The following CORIN variants were observed in gnomAD, a reference collection of about 807,000 sequenced individuals.
CORIN encodes atrial natriuretic peptide-converting enzyme.
A neutral mutation model predicts 125.3 loss-of-function variants in CORIN; 117 were observed. The observed-to-expected ratio is 0.93, with a 90% CI of 0.80 to 1.09. The LOEUF is 1.09. CORIN is among the 50% of genes least tolerant of loss of function. The pLI, the probability that CORIN is intolerant of heterozygous loss-of-function variation, is 0.00. For synonymous variants in CORIN, 450 were observed against 466.4 expected (o/e 0.96, Z 0.45); for missense variants, 1,253 against 1,306.7 (o/e 0.96, Z 0.63).
At chr4:47,598,944 C>T (rs1721350691) in intron 21 of CORIN, among the ~76,000 whole-genome samples, 1 of 152,162 alleles carries the variant, frequency 6.6e-6, no homozygotes. Flanking sequence ...CTTCCAAATA[C>T]ATTCACTTAG....
At position 47,757,732 on chromosome 4, in the gene CORIN, CA is replaced by C. The variant is rs542887583; in HGVS notation, c.617+5646del. Among the ~76,000 whole-genome samples, 3 of 151,138 alleles carry C rather than the reference CA, an allele frequency of 2.0e-5. No homozygotes were observed. The South Asian group carries it at 6.3e-4, about 32-fold the overall frequency. The stretch of plus-strand genomic sequence containing the variant: ...TACCATATTAGCACACTTATCAGGT[CA>C]GGGGAAAAGGAAATTGTACCTAAAA... On this transcript the variant is annotated intron_variant, in intron 4 of 21. Transcript: ENST00000273857.
chr4:47,825,089 A>G (rs1732684704), intron 1 of CORIN, among the ~76,000 whole-genome samples: 1 of 152,236 alleles, frequency 6.6e-6, no homozygotes, highest in Non-Finnish European at 1.5e-5. Flanking sequence ...AGACTTGAGA[A>G]GCTCAGAATT....
intron 3 of CORIN, among the ~76,000 whole-genome samples, chr4:47,765,626 C>T (rs1345106911): frequency 6.6e-6 from 1 of 152,148 alleles, no homozygotes; most frequent in East Asian, 1.9e-4. Flanking sequence ...TTTGAATTCT[C>T]GCCAACAATG....
chr4:47,808,231 C>CCTATGCCGTA, intron 1 of CORIN, among the ~76,000 whole-genome samples: 1 of 152,264 alleles, frequency 6.6e-6, no homozygotes, highest in Non-Finnish European at 1.5e-5. Flanking sequence ...CCGTACATCA[C>CCTATGCCGTA]CAGGTTTTGT....
At chr4:47,605,362 AG>A (rs1230453219) in intron 19 of CORIN, among the ~76,000 whole-genome samples, 3 of 152,130 alleles carry the variant, frequency 2.0e-5, no homozygotes, top group African/African-American at 7.2e-5. Flanking sequence ...GTCCTCAACA[AG>A]TACCTATTTA....
intron 5 of CORIN, among the ~76,000 whole-genome samples, chr4:47,719,926 C>T (rs572389437): frequency 4.6e-5 from 7 of 152,256 alleles, no homozygotes; most frequent in African/African-American, 7.2e-5. Flanking sequence ...ATGTTGCCCA[C>T]GACTTTTGAG....
At chr4:47,645,051 C>A (rs754978863) in intron 14 of CORIN, 30 bp downstream of exon 14, 4 of 1,275,846 alleles carry the variant, frequency 3.1e-6, no homozygotes, top group Middle Eastern at 1.9e-4. Context: ...AATAAAAATG[C>A]TCTGTTGACA....
chr4:47,766,991 T>C (rs557489532), intron 3 of CORIN, among the ~76,000 whole-genome samples: 77 of 149,072 alleles, frequency 5.2e-4, no homozygotes, highest in African/African-American at 1.8e-3. Flanking sequence ...CTATTCAAGA[T>C]GTTTGATTAA....
Position 47,600,290 on chromosome 4 carries a change from G to A in CORIN, c.2870C>T (p.Ser957Phe), listed in dbSNP as rs1274629084. ...VRIISLEHCQ[S>F]YFDMKTITTR... Reference sequence around the variant, plus strand: ...GGTGATGGTCTTCATGTCAAAGTAGGACTGACAATGTTCCAGAGAAATAAT... The same window carrying A: ...GGTGATGGTCTTCATGTCAAAGTAGAACTGACAATGTTCCAGAGAAATAAT... The change falls in exon 21 of 22, where the codon TCC becomes TTC. Residue 957 changes from serine to phenylalanine, a missense_variant. Transcript: ENST00000273857. The A allele has an allele frequency of 6.2e-7, 1 of 1,613,570 alleles. No individual in the cohort carries two copies. Among genetic ancestry groups the A allele is most frequent in the Non-Finnish European group, 8.5e-7 (1 of 1,179,666 alleles).
rs1342902833 is a variant in CORIN at position 47,706,350 on chromosome 4, G to A, written c.800-13267C>T. 4.0e-5 allele frequency: 62 copies of A among 1,566,364 alleles called. No individual in the cohort carries two copies. The South Asian group carries it at 6.4e-4, about 16-fold the overall frequency. On this transcript the variant is annotated intron_variant, in intron 5 of 21. Coordinates refer to ENST00000273857, the MANE Select transcript of CORIN (RefSeq NM_006587.4). Reference sequence around the variant, plus strand: ...ACCAACTTTTGCCTTTCCGTCTGGCGGCAGCCATCAGGTAAGCCAAGATGG... The same window carrying A: ...ACCAACTTTTGCCTTTCCGTCTGGCAGCAGCCATCAGGTAAGCCAAGATGG...
intron 5 of CORIN, among the ~76,000 whole-genome samples, chr4:47,703,880 A>G (rs753611246): frequency 6.6e-6 from 1 of 152,252 alleles, no homozygotes; most frequent in African/African-American, 2.4e-5. Flanking sequence ...GAAACAACCC[A>G]GATAACTGGA....
At chr4:47,677,382 C>T (rs978986224) in intron 9 of CORIN, among the ~76,000 whole-genome samples, 3 of 152,172 alleles carry the variant, frequency 2.0e-5, no homozygotes, top group Non-Finnish European at 4.4e-5. Context: ...TCCCTGGACC[C>T]TACTGAGAGG....
intron 4 of CORIN, among the ~76,000 whole-genome samples, chr4:47,758,332 A>G (rs913654249): frequency 2.0e-5 from 3 of 152,202 alleles, no homozygotes; most frequent in African/African-American, 7.2e-5. Flanking sequence ...AAAATTGAAG[A>G]AGGCACAAAT....
At chr4:47,619,858 T>A (rs1722235173) in intron 19 of CORIN, among the ~76,000 whole-genome samples, 1 of 152,210 alleles carries the variant, frequency 6.6e-6, no homozygotes, top group Non-Finnish European at 1.5e-5. Flanking sequence ...ACCTTCTTAT[T>A]ACCATGGAGT....
chr4:47,834,435 G>T (rs753222864), intron 1 of CORIN, among the ~76,000 whole-genome samples: 87 of 152,130 alleles, frequency 5.7e-4, no homozygotes, highest in Non-Finnish European at 1.1e-3. Flanking sequence ...GTGGAATGGT[G>T]GTTTCCCAGA....
intron 2 of CORIN, among the ~76,000 whole-genome samples, chr4:47,795,602 A>C (rs1273009529): frequency 4.6e-5 from 7 of 152,038 alleles, no homozygotes; most frequent in Admixed American, 4.6e-4. Context: ...AAAAAAAAAG[A>C]CCAGCAGTGT....
At chr4:47,707,125 A>C in intron 5 of CORIN, 2 of 1,397,216 alleles carry the variant, frequency 1.4e-6, no homozygotes. Flanking sequence ...GTTAAAGTGC[A>C]ATAATGTTTG....
chr4:47,796,534 T>A (rs575968849), intron 2 of CORIN, among the ~76,000 whole-genome samples: 1 of 152,178 alleles, frequency 6.6e-6, no homozygotes, highest in Admixed American at 6.6e-5. Flanking sequence ...CTTCTTTGGG[T>A]ACTTAAACAT....
chr4:47,666,622 T>A (rs1724495864), intron 10 of CORIN, among the ~76,000 whole-genome samples: 2 of 152,184 alleles, frequency 1.3e-5, no homozygotes, highest in Non-Finnish European at 2.9e-5. Flanking sequence ...TGATGAGGTT[T>A]CAATGAGGTC....
Sources: gnomAD v4.1 joint callset for allele counts (sites outside exome capture counted in the v4.1 genomes callset) on GRCh38, gnomAD v4.1.1 for gene constraint, MANE v1.5 for transcripts, NCBI Gene and HGNC (gene_info 2026-07-23, HGNC 2026-07-21) for gene names.